AFF2: variants seen among roughly 807,000 people sequenced by gnomAD.
AFF2 encodes AF4/FMR2 family member 2.
A neutral mutation model predicts 76.9 loss-of-function variants in AFF2; 14 were observed. The observed-to-expected ratio is 0.18, with a 90% CI of 0.12 to 0.28. The LOEUF (loss-of-function observed/expected upper bound fraction) is 0.28. AFF2 is among the 10% of genes least tolerant of loss of function. The pLI, the probability that AFF2 is intolerant of heterozygous loss-of-function variation, is 1.00. For missense variants in AFF2, 868 were observed against 1,001.1 expected (o/e 0.87, Z 1.79); for synonymous variants, 398 against 366.7 (o/e 1.09, Z -0.98).
At position 148,738,597 on chromosome X, in the gene AFF2, T is replaced by C. The variant is rs782787953; in HGVS notation, c.1042-71279T>C. On this transcript the variant is annotated intron_variant, in intron 3 of 20. Transcript: ENST00000370460. ...CTTTGTTTCATTTATCTTTTGAATT[T>C]TTTTTTGTTTCAATTTCATTTAGTT... is the stretch of plus-strand genomic sequence containing the variant. 3.6e-5 allele frequency among the ~76,000 whole-genome samples: 4 copies of C among 112,224 alleles called. No homozygotes were observed. In the South Asian group the frequency reaches 1.1e-3, roughly 31 times the overall value.
intron 3 of AFF2, among the ~76,000 whole-genome samples, chrX:148,804,009 G>A (rs2070094865): frequency 9.0e-6 from 1 of 111,522 alleles, no homozygotes; most frequent in South Asian, 3.7e-4. Flanking sequence ...AAGATGTCAT[G>A]GGAGCCAGTT....
chrX:148,992,881 A>C lies in AFF2; in HGVS notation c.*1549A>C, dbSNP rs2072549003. Reference sequence around the variant, plus strand: ...TAATTACCTGCTGGTATATAATTCCATGTAGCCTTTAATATGCTGGGTTAT... The same window carrying C: ...TAATTACCTGCTGGTATATAATTCCCTGTAGCCTTTAATATGCTGGGTTAT... On this transcript the variant is annotated 3_prime_UTR_variant, in exon 21 of 21. Coordinates refer to ENST00000370460, the MANE Select transcript of AFF2 (RefSeq NM_002025.4). 8.9e-6 allele frequency: 1 copy of C among 112,931 alleles called. No homozygotes were observed. Among genetic ancestry groups the C allele is most frequent in the Admixed American group, 9.4e-5 (1 of 10,625 alleles). 9.3% of individuals were successfully genotyped at this position (112,931 alleles called of 1,213,427 possible).
chrX:148,966,900 T>C lies in AFF2; in HGVS notation c.3024T>C (p.Ala1008=). The change falls in exon 14 of 21, where the codon GCT becomes GCC. Residue 1008 remains alanine (A), a synonymous_variant. Coordinates refer to ENST00000370460, the MANE Select transcript of AFF2 (RefSeq NM_002025.4). ...ATAIVTTTVT[A]TATATATTTT... ...CCATTGTCACCACCACTGTCACAGC[T>C]ACTGCCACCGCCACGGCCACCACCA... is the stretch of plus-strand genomic sequence containing the variant. The C allele has an allele frequency of 8.3e-7, 1 of 1,211,186 alleles. No individual in the cohort carries two copies. The highest frequency in any genetic ancestry group is 1.1e-6 in the Non-Finnish European group (1 of 895,392).
chrX:148,871,080 TG>T (rs1298535304), intron 7 of AFF2, among the ~76,000 whole-genome samples: 7 of 110,869 alleles, frequency 6.3e-5, no homozygotes, highest in African/African-American at 2.3e-4. Context: ...GGGGAGCGGG[TG>T]GGGGGCAGTG....
chrX:148,690,672 G>A (rs782051958), intron 3 of AFF2, among the ~76,000 whole-genome samples: 1 of 112,519 alleles, frequency 8.9e-6, no homozygotes, highest in South Asian at 3.7e-4. Flanking sequence ...TTAAGAGCAT[G>A]TGCTCAGGGG....
intron 1 of AFF2, among the ~76,000 whole-genome samples, chrX:148,645,518 G>C (rs782740472): frequency 8.9e-6 from 1 of 111,959 alleles, no homozygotes; most frequent in Non-Finnish European, 1.9e-5. Context: ...GGGAACAAAA[G>C]AATCTGTTTC....
chrX:148,740,627 C>A (rs2055339367), intron 3 of AFF2, among the ~76,000 whole-genome samples: 1 of 112,014 alleles, frequency 8.9e-6, no homozygotes, highest in African/African-American at 3.3e-5. Flanking sequence ...TAATAACTAA[C>A]CTTCTGAATT....
intron 1 of AFF2, among the ~76,000 whole-genome samples, chrX:148,600,917 T>C (rs1233603199): frequency 1.8e-5 from 2 of 112,278 alleles, no homozygotes; most frequent in African/African-American, 6.5e-5. Flanking sequence ...CTCTGAGGTA[T>C]GAATGAGCTT....
At chrX:148,689,970 A>C (rs904569486) in intron 3 of AFF2, among the ~76,000 whole-genome samples, 1 of 112,260 alleles carries the variant, frequency 8.9e-6, no homozygotes, top group Non-Finnish European at 1.9e-5. Context: ...CCATCTCTCA[A>C]GTATTCTTTC....
intron 7 of AFF2, among the ~76,000 whole-genome samples, chrX:148,885,385 C>T (rs2071145793): frequency 9.0e-6 from 1 of 111,491 alleles, no homozygotes; most frequent in Admixed American, 9.5e-5. Flanking sequence ...GGCCACCCAG[C>T]TACCCAGCAG....
chrX:148,961,973 T>G (rs1200689411), intron 12 of AFF2, among the ~76,000 whole-genome samples: 23 of 112,633 alleles, frequency 2.0e-4, no homozygotes, highest in South Asian at 3.7e-4. Context: ...CTCAGACTAT[T>G]TGGTGGTGCC....
chrX:148,976,108 G>A (rs998484359), intron 16 of AFF2, among the ~76,000 whole-genome samples: 11 of 110,874 alleles, frequency 9.9e-5, no homozygotes, highest in Admixed American at 8.7e-4. Flanking sequence ...ACTTCCCATA[G>A]AAGTTTATTT....
At chrX:148,614,738 T>TTTCTTTCCTTTTC (rs1158870444) in intron 1 of AFF2, among the ~76,000 whole-genome samples, 1 of 55,286 alleles carries the variant, frequency 1.8e-5, no homozygotes, top group East Asian at 5.2e-4. Context: ...TCTTTCCTTC[T>TTTCTTTCCTTTTC]TTTCTTTCTT....
intron 9 of AFF2, among the ~76,000 whole-genome samples, chrX:148,928,861 T>A (rs1341194474): frequency 2.7e-5 from 3 of 112,459 alleles, no homozygotes; most frequent in African/African-American, 9.7e-5. Context: ...AAGGCCTTAT[T>A]CTCTTCTTAT....
chrX:148,978,490 A>T, intron 18 of AFF2, 35 bp downstream of exon 18: 1 of 978,472 alleles, frequency 1.0e-6, no homozygotes, highest in South Asian at 2.0e-5. Context: ...TAGGTACAGG[A>T]TGATAAAATC....
intron 1 of AFF2, among the ~76,000 whole-genome samples, chrX:148,518,425 G>T (rs963863667): frequency 8.9e-6 from 1 of 112,494 alleles, no homozygotes; most frequent in Non-Finnish European, 1.9e-5. Flanking sequence ...AGTTATCCAC[G>T]ACCATGGGTC....
intron 8 of AFF2, among the ~76,000 whole-genome samples, chrX:148,900,768 A>T (rs1312649810): frequency 1.8e-5 from 2 of 111,937 alleles, no homozygotes; most frequent in African/African-American, 6.5e-5. Flanking sequence ...AGAGAAAGAG[A>T]GGTCTGTAGA....
In AFF2 at chrX:148,996,878, GTCA is replaced by G. The variant is rs782092648; in HGVS notation, c.*5551_*5553del. On this transcript the variant is annotated 3_prime_UTR_variant, in exon 21 of 21. Coordinates refer to ENST00000370460, the MANE Select transcript of AFF2 (RefSeq NM_002025.4). ...GAGTGTTTTTTATTTTATTATTATTGTCATCATTATTTTGATTTACAAATGCTA... is the reference window on the plus strand; with the variant it reads ...GAGTGTTTTTTATTTTATTATTATTGTCATTATTTTGATTTACAAATGCTA... 2 of 111,611 alleles carry G rather than the reference GTCA, an allele frequency of 1.8e-5. No individual in the cohort carries two copies. The highest frequency in any genetic ancestry group is 3.8e-5 in the Non-Finnish European group (2 of 53,043). The allele number at this position is 111,611 out of a possible 1,213,427, so 9.2% of individuals were successfully genotyped here. A position where few individuals can be genotyped will look rare whatever the true frequency, so the allele number is the denominator to read the frequency against.
chrX:148,831,483 G>A (rs2070453150), intron 4 of AFF2, among the ~76,000 whole-genome samples: 1 of 112,112 alleles, frequency 8.9e-6, no homozygotes, highest in Non-Finnish European at 1.9e-5. Flanking sequence ...CATGGCTTCA[G>A]CTGGTCCCTC....
Sources: allele counts gnomAD v4.1 joint callset (sites outside exome capture counted in the v4.1 genomes callset), GRCh38; gene constraint gnomAD v4.1.1; transcripts MANE v1.5; gene names NCBI Gene and HGNC (gene_info 2026-07-23, HGNC 2026-07-21).